Variants in SNX6 observed in about 807,000 individuals in gnomAD.
SNX6 encodes sorting nexin-6.
A neutral mutation model predicts 63.0 loss-of-function variants in SNX6; 34 were observed. The observed-to-expected ratio is 0.54, with a 90% CI of 0.41 to 0.72. The LOEUF is 0.72. Among genes scored for constraint, SNX6 ranks in the 30% least tolerant of loss-of-function variants. The pLI is 0.00. For missense variants in SNX6, 398 were observed against 471.4 expected (o/e 0.84, Z 1.44); for synonymous variants, 170 against 164.2 (o/e 1.04, Z -0.27).
intron 11 of SNX6, among the ~76,000 whole-genome samples, chr14:34,575,387 AC>A (rs1215267229): frequency 5.3e-5 from 8 of 152,084 alleles, no homozygotes; most frequent in African/African-American, 1.9e-4. Flanking sequence ...TTTAGTAGAG[AC>A]AGGGTTTCAT....
chr14:34,592,634 G>C (rs1477283647), intron 8 of SNX6, among the ~76,000 whole-genome samples: 4 of 152,130 alleles, frequency 2.6e-5, no homozygotes, highest in Non-Finnish European at 4.4e-5. Context: ...ATCCATCACA[G>C]CTCACTGCAG....
intron 7 of SNX6, among the ~76,000 whole-genome samples, chr14:34,597,259 T>G (rs1013857078): frequency 1.3e-5 from 2 of 152,112 alleles, no homozygotes; most frequent in African/African-American, 4.8e-5. Flanking sequence ...GGCTTGGGAT[T>G]TGGGTAGGGA....
At chr14:34,600,527 C>T (rs1467213748) in intron 6 of SNX6, among the ~76,000 whole-genome samples, 1 of 151,992 alleles carries the variant, frequency 6.6e-6, no homozygotes, top group Non-Finnish European at 1.5e-5. Flanking sequence ...ATCCTCCTGC[C>T]TCAGGCTCCC....
chr14:34,608,085 T>C lies in SNX6; in HGVS notation c.215A>G (p.Glu72Gly). 6.2e-7 allele frequency: 1 copy of C among 1,610,908 alleles called. No individual in the cohort carries two copies. The highest frequency in any genetic ancestry group is 8.5e-7 in the Non-Finnish European group (1 of 1,177,970). Residue 72 changes from glutamate to glycine, a missense_variant, in exon 4 of 14, where the codon GAA becomes GGA. Physicochemically the swap from Glu to Gly is moderately conservative, Grantham distance 98. Transcript: ENST00000362031. ...AAAGGAATCATGAAGCCAGATAAAT[T>C]CCTCATGTTGCCGAACAACTGAAAA... ...NEFSVVRQHE[E>G]FIWLHDSFVE...
At chr14:34,570,049 T>C (rs1881371889) in intron 11 of SNX6, among the ~76,000 whole-genome samples, 1 of 151,408 alleles carries the variant, frequency 6.6e-6, no homozygotes, top group South Asian at 2.1e-4. Flanking sequence ...AACACTTATT[T>C]TGTTTTTTTG....
At chr14:34,588,505 C>T (rs1882264801) in intron 8 of SNX6, among the ~76,000 whole-genome samples, 2 of 152,116 alleles carry the variant, frequency 1.3e-5, no homozygotes, top group South Asian at 4.1e-4. Context: ...CCCACCTCAG[C>T]CTCCTAAAGT....
chr14:34,597,410 G>A, intron 7 of SNX6, 140 bp downstream of exon 7: 2 of 607,304 alleles, frequency 3.3e-6, no homozygotes, highest in East Asian at 2.7e-5. Context: ...TAGGTCAGGA[G>A]GATTCCTCCT....
At chr14:34,564,630 C>T (rs988760974) in intron 13 of SNX6, among the ~76,000 whole-genome samples, 15 of 152,018 alleles carry the variant, frequency 9.9e-5, no homozygotes, top group Middle Eastern at 3.4e-3. Flanking sequence ...CAGTTTGAGA[C>T]CCGCCTGGCC....
intron 6 of SNX6, among the ~76,000 whole-genome samples, chr14:34,600,439 T>A (rs1043680616): frequency 5.3e-5 from 8 of 151,030 alleles, no homozygotes; most frequent in Admixed American, 5.3e-4. Flanking sequence ...TCTTTCTTCT[T>A]CTTCTTTTTT....
intron 7 of SNX6, among the ~76,000 whole-genome samples, chr14:34,595,191 A>G (rs531041346): frequency 6.6e-6 from 1 of 150,842 alleles, no homozygotes; most frequent in South Asian, 2.2e-4. Context: ...CTGGAGTGCA[A>G]TGGCACAATC....
At chr14:34,595,942 G>A (rs751557818) in intron 7 of SNX6, among the ~76,000 whole-genome samples, 2 of 152,154 alleles carry the variant, frequency 1.3e-5, no homozygotes, top group East Asian at 1.9e-4. Flanking sequence ...GTTTTCGGCC[G>A]GGCGCGGTGG....
At position 34,595,433 on chromosome 14, in the gene SNX6, G is replaced by A. The variant is rs565564866; in HGVS notation, c.612+2117C>T. Among the ~76,000 whole-genome samples, 17 of 152,204 alleles carry A rather than the reference G, an allele frequency of 1.1e-4. No individual in the cohort carries two copies. The East Asian group carries it at 2.3e-3, about 21-fold the overall frequency. Reference sequence around the variant, plus strand: ...ATTATAGGCGTGAGCCACTGTGCCCGGCCACAGTTTTCTTAATTGTAAAAA... The same window carrying A: ...ATTATAGGCGTGAGCCACTGTGCCCAGCCACAGTTTTCTTAATTGTAAAAA... On this transcript the variant is annotated intron_variant, in intron 7 of 13. Coordinates refer to ENST00000362031, the MANE Select transcript of SNX6 (RefSeq NM_152233.4).
At chr14:34,574,638 A>G (rs971751975) in intron 11 of SNX6, among the ~76,000 whole-genome samples, 10 of 151,738 alleles carry the variant, frequency 6.6e-5, no homozygotes, top group East Asian at 1.9e-4. Flanking sequence ...AAAAAAAAAA[A>G]AAAAGAAAGA....
At chr14:34,599,115 C>A (rs1231499202) in intron 6 of SNX6, among the ~76,000 whole-genome samples, 1 of 152,188 alleles carries the variant, frequency 6.6e-6, no homozygotes, top group Non-Finnish European at 1.5e-5. Context: ...TTCTCCAGAA[C>A]TGTAAATGAT....
intron 13 of SNX6, among the ~76,000 whole-genome samples, chr14:34,567,163 G>A (rs1173607551): frequency 6.6e-6 from 1 of 151,854 alleles, no homozygotes; most frequent in Non-Finnish European, 1.5e-5. Context: ...AGCAGAGGTT[G>A]CGGAGGTCTC....
chr14:34,574,093 T>A (rs984419322), intron 11 of SNX6, among the ~76,000 whole-genome samples: 2 of 151,680 alleles, frequency 1.3e-5, no homozygotes, highest in Non-Finnish European at 2.9e-5. Flanking sequence ...ATCCCAGCAC[T>A]TTGGGAGGCC....
rs1880985497 is a variant in SNX6, at chr14:34,562,760, A to G, written c.*362T>C. 1 of 198,422 alleles carries G rather than the reference A, an allele frequency of 5.0e-6. No homozygotes were observed. 12.3% of individuals were successfully genotyped at this position (198,422 alleles called of 1,614,324 possible). On this transcript the variant is annotated 3_prime_UTR_variant, in exon 14 of 14. Transcript: ENST00000362031. ...ATCTTGTTTCAACAATGCATTCTGA[A>G]AAGGTTAAATTTCAGAAATTATTTA...
intron 7 of SNX6, among the ~76,000 whole-genome samples, chr14:34,593,369 G>A (rs1247570681): frequency 6.6e-6 from 1 of 150,850 alleles, no homozygotes; most frequent in Non-Finnish European, 1.5e-5. Context: ...AAGGCTTAGT[G>A]CTCCCCATAT....
chr14:34,625,095 T>C (rs1159156236), intron 2 of SNX6, among the ~76,000 whole-genome samples: 4 of 151,916 alleles, frequency 2.6e-5, no homozygotes, highest in African/African-American at 9.7e-5. Flanking sequence ...TTCTGTATTT[T>C]TAGCAGGGAC....
Sources: allele counts gnomAD v4.1 joint callset (sites outside exome capture counted in the v4.1 genomes callset), GRCh38; gene constraint gnomAD v4.1.1; transcripts MANE v1.5; gene names NCBI Gene and HGNC (gene_info 2026-07-23, HGNC 2026-07-21).